The following RERE variants were observed in gnomAD, a reference collection of about 807,000 sequenced individuals.
RERE encodes the protein arginine-glutamic acid dipeptide repeats protein.
Under a neutral mutation model 146.1 loss-of-function variants are expected in RERE, and 40 were observed. That is an observed-to-expected ratio of 0.27 (90% CI 0.21 to 0.36). RERE has a LOEUF of 0.36. RERE is among the 10% of genes least tolerant of loss of function. RERE has a pLI of 1.00. For missense variants in RERE, 1,933 were observed against 2,138.7 expected (o/e 0.90, Z 1.90); for synonymous variants, 1,003 against 866.0 (o/e 1.16, Z -2.78).
chr1:8,386,038 T>A (rs1284811884), intron 12 of RERE, among the ~76,000 whole-genome samples: 15 of 117,904 alleles, frequency 1.3e-4, no homozygotes, highest in East Asian at 1.1e-3. Context: ...TTTTTTTTTT[T>A]TTTTTTTTTT....
chr1:8,574,396 G>A (rs1570457566), intron 4 of RERE, among the ~76,000 whole-genome samples: 4 of 137,764 alleles, frequency 2.9e-5, no homozygotes, highest in African/African-American at 1.1e-4. Flanking sequence ...CCAGACTGGA[G>A]TGCAGTGGCA....
chr1:8,434,197 T>C (rs1557630411), intron 11 of RERE, among the ~76,000 whole-genome samples: 1 of 152,170 alleles, frequency 6.6e-6, no homozygotes, highest in Non-Finnish European at 1.5e-5. Context: ...GCCAGGTCTT[T>C]CAGTGTGTGA....
intron 12 of RERE, among the ~76,000 whole-genome samples, chr1:8,366,473 C>G (rs148016444): frequency 2.6e-5 from 4 of 152,174 alleles, no homozygotes; most frequent in African/African-American, 9.7e-5. Flanking sequence ...AAACAACCAA[C>G]CAACCAAAGC....
chr1:8,786,728 T>C (rs1045153429), intron 1 of RERE: 10 of 785,948 alleles, frequency 1.3e-5, no homozygotes, highest in South Asian at 8.0e-5. Flanking sequence ...ATCCTTGCCA[T>C]TCGAATTTCA....
At chr1:8,748,822 C>G (rs1384533768) in intron 1 of RERE, among the ~76,000 whole-genome samples, 2 of 152,180 alleles carry the variant, frequency 1.3e-5, no homozygotes, top group Non-Finnish European at 2.9e-5. Flanking sequence ...TTTTCTTATC[C>G]AATCAAAACT....
intron 12 of RERE, among the ~76,000 whole-genome samples, chr1:8,379,949 C>T (rs937993645): frequency 5.3e-5 from 8 of 152,208 alleles, no homozygotes; most frequent in African/African-American, 1.4e-4. Context: ...CCACAGCACA[C>T]CTTAGCCTGC....
intron 4 of RERE, among the ~76,000 whole-genome samples, chr1:8,572,689 A>C (rs1349285734): frequency 6.6e-6 from 1 of 152,234 alleles, no homozygotes; most frequent in Non-Finnish European, 1.5e-5. Flanking sequence ...AGTGGGAAAA[A>C]CAGGAAGTCC....
chr1:8,705,703 C>A (rs1639543772), intron 1 of RERE, among the ~76,000 whole-genome samples: 2 of 152,136 alleles, frequency 1.3e-5, no homozygotes, highest in Admixed American at 1.3e-4. Context: ...GTACACAAAT[C>A]TGTTGAATGA....
chr1:8,568,515 T>C (rs1646178994), intron 4 of RERE, among the ~76,000 whole-genome samples: 1 of 152,198 alleles, frequency 6.6e-6, no homozygotes, highest in Non-Finnish European at 1.5e-5. Context: ...ATTAATTCAT[T>C]GATGCATTCA....
At chr1:8,408,687 T>TC (rs1227466893) in intron 12 of RERE, among the ~76,000 whole-genome samples, 2 of 152,162 alleles carry the variant, frequency 1.3e-5, no homozygotes, top group African/African-American at 4.8e-5. Flanking sequence ...ATGAATATCC[T>TC]CCACATTAAA....
chr1:8,534,422 T>A (rs1198334622), intron 7 of RERE, among the ~76,000 whole-genome samples: 2 of 152,216 alleles, frequency 1.3e-5, no homozygotes, highest in African/African-American at 4.8e-5. Flanking sequence ...AACTTATGAA[T>A]ATACACACAT....
At chr1:8,522,280 C>A (rs1557670926) in intron 7 of RERE, among the ~76,000 whole-genome samples, 1 of 152,216 alleles carries the variant, frequency 6.6e-6, no homozygotes, top group South Asian at 2.1e-4. Context: ...TTTCTACCTT[C>A]TCTCTCATCC....
chr1:8,357,340 G>A (rs1641334602), intron 20 of RERE, among the ~76,000 whole-genome samples: 1 of 152,240 alleles, frequency 6.6e-6, no homozygotes, highest in African/African-American at 2.4e-5. Context: ...ATATGAGGAC[G>A]GCAATGGTGA....
intron 1 of RERE, among the ~76,000 whole-genome samples, chr1:8,815,831 GTGTGTGTGTGTA>G (rs1306163547): frequency 2.0e-5 from 3 of 149,512 alleles, no homozygotes; most frequent in African/African-American, 5.1e-5. Flanking sequence ...GCTTGGTATT[GTGTGTGTGTGTA>G]TGTGTGTGTG....
At chr1:8,399,136 C>T (rs1207205623) in intron 12 of RERE, among the ~76,000 whole-genome samples, 3 of 151,508 alleles carry the variant, frequency 2.0e-5, no homozygotes, top group East Asian at 1.9e-4. Flanking sequence ...AGATACTAAT[C>T]CAGTTATGTT....
At chr1:8,672,246 T>A (rs140518931) in intron 1 of RERE, among the ~76,000 whole-genome samples, 1,596 of 152,198 alleles carry the variant, frequency 0.01, 28 homozygotes, top group African/African-American at 0.037. Flanking sequence ...TGATCATGGC[T>A]CACTGCAGCC....
intron 8 of RERE, among the ~76,000 whole-genome samples, chr1:8,500,937 C>T (rs867105293): frequency 6.7e-6 from 1 of 150,278 alleles, no homozygotes; most frequent in South Asian, 2.1e-4. Flanking sequence ...TGCCTGGCAA[C>T]CGCCCCGTCT....
intron 1 of RERE, among the ~76,000 whole-genome samples, chr1:8,766,433 A>G (rs1176038992): frequency 6.6e-6 from 1 of 151,334 alleles, no homozygotes; most frequent in Non-Finnish European, 1.5e-5. Flanking sequence ...CCAGCTACTC[A>G]GGAGGCTGAC....
Position 8,360,663 on chromosome 1 carries a change from A to C in RERE, c.2844T>G (p.Pro948=). ...AGGGTGAGGGCCCCGAGAGGTGGGG[A>C]GGGTGCTTGTGGGCCTGTGGCGCCG... The part of the protein sequence containing the change: ...QLPAPQAHKH[P]PHLSGPSPFS... The change falls in exon 18 of 23, where the codon CCT becomes CCG. Residue 948 remains proline, a synonymous_variant. Coordinates refer to ENST00000400908, the MANE Select transcript of RERE (RefSeq NM_001042681.2). 1 of 1,465,862 alleles carries C rather than the reference A, an allele frequency of 6.8e-7. No individual in the cohort carries two copies. The highest frequency in any genetic ancestry group is 1.3e-5 in the South Asian group (1 of 76,100). 90.8% of individuals were successfully genotyped at this position (1,465,862 alleles called of 1,614,324 possible). A position where few individuals can be genotyped will look rare whatever the true frequency, so the allele number is the denominator to read the frequency against.
Sources: allele counts gnomAD v4.1 joint callset (sites outside exome capture counted in the v4.1 genomes callset), GRCh38; gene constraint gnomAD v4.1.1; transcripts MANE v1.5; gene names NCBI Gene and HGNC (gene_info 2026-07-23, HGNC 2026-07-21).